The following CELF1 variants were observed in gnomAD, a reference collection of about 807,000 sequenced individuals.
The protein encoded by CELF1 is 50 kDa nuclear polyadenylated RNA-binding protein.
In CELF1, 10 loss-of-function variants were observed where a neutral mutation model predicts 61.8. The ratio of observed to expected loss-of-function variants is 0.16; its 90% CI spans 0.10 to 0.27. The LOEUF (loss-of-function observed/expected upper bound fraction) is 0.27, where lower values mean the gene tolerates loss of function less well. Ranked by LOEUF, CELF1 falls within the 10% of genes least tolerant of loss-of-function variation. CELF1 has a pLI of 1.00. For missense variants in CELF1, 380 were observed against 639.1 expected, an observed-to-expected ratio of 0.59 and a Z score of 4.37; for synonymous variants, 236 against 225.1, an observed-to-expected ratio of 1.05 and a Z score of -0.43.
chr11:47,486,251 A>G (rs555879614), intron 6 of CELF1, among the ~76,000 whole-genome samples: 17 of 151,736 alleles, frequency 1.1e-4, no homozygotes, highest in African/African-American at 3.9e-4. Flanking sequence ...TATACTGACC[A>G]AGTATATTCC....
At chr11:47,543,285 C>T (rs550283928) in intron 1 of CELF1, among the ~76,000 whole-genome samples, 64 of 152,176 alleles carry the variant, frequency 4.2e-4, no homozygotes, top group African/African-American at 1.5e-3. Context: ...CCTATAGTCC[C>T]GGCTACTTGG....
At chr11:47,539,828 T>G (rs867183477) in intron 1 of CELF1, among the ~76,000 whole-genome samples, 1 of 152,214 alleles carries the variant, frequency 6.6e-6, no homozygotes, top group African/African-American at 2.4e-5. Flanking sequence ...TCTTTCCAGA[T>G]GAAATCTACT....
chr11:47,468,101 AAATC>A lies in CELF1; in HGVS notation c.*4125_*4128del, dbSNP rs1457640959. On this transcript the variant is annotated 3_prime_UTR_variant, in exon 15 of 15. Coordinates refer to ENST00000687097, the MANE Select transcript of CELF1 (RefSeq NM_001376376.1). ...TACAAAAACAAAAACAACAACAAAA[AAATC>A]AAAGCATCACATTTTGCTGTGGAGA... 6.6e-6 allele frequency: 1 copy of A among 152,222 alleles called. No individual in the cohort carries two copies. The highest frequency in any genetic ancestry group is 2.4e-5 in the African/African-American group (1 of 41,442). The allele number at this position is 152,222 out of a possible 1,614,324, so 9.4% of individuals were successfully genotyped here.
chr11:47,551,066 C>A (rs548566713), intron 1 of CELF1, among the ~76,000 whole-genome samples: 1 of 151,488 alleles, frequency 6.6e-6, no homozygotes, highest in South Asian at 2.1e-4. Flanking sequence ...TAACCTTGGG[C>A]AAGTAAGTCA....
chr11:47,499,709 T>C (rs2093656700), intron 2 of CELF1, 105 bp from the exon 3 acceptor site: 3 of 587,898 alleles, frequency 5.1e-6, no homozygotes, highest in Admixed American at 3.1e-5. Flanking sequence ...AAAGGGAGTA[T>C]TGGATTAAAA....
intron 1 of CELF1, among the ~76,000 whole-genome samples, chr11:47,538,695 A>C (rs2096698629): frequency 6.6e-6 from 1 of 152,110 alleles, no homozygotes; most frequent in Admixed American, 6.6e-5. Context: ...TCTCTTTTTA[A>C]TTCCTGCTCA....
chr11:47,475,460 G>T lies in CELF1; in HGVS notation c.1149C>A (p.Thr383=). ...AGTAGGCCTGAGTGAGGGCCTCCAT[G>T]GTGCTCCCGGTGCCATTGGAAAGGC... The part of the protein sequence containing the change: ...SSGLSNGTGS[T]MEALTQAYSG... Residue 383 remains threonine (T), a synonymous_variant, in exon 13 of 15, where the codon ACC becomes ACA. Coordinates refer to ENST00000687097, the MANE Select transcript of CELF1 (RefSeq NM_001376376.1). The T allele has an allele frequency of 6.2e-7, 1 of 1,614,032 alleles. No individual in the cohort carries two copies. The highest frequency in any genetic ancestry group is 1.3e-5 in the African/African-American group (1 of 75,030).
intron 5 of CELF1, 75 bp from the exon 6 acceptor site, chr11:47,486,873 C>T (rs2087640668): frequency 8.9e-7 from 1 of 1,128,792 alleles, no homozygotes; most frequent in South Asian, 1.2e-5. Context: ...CTCTAAAATA[C>T]CAGAACTAGA....
intron 12 of CELF1, among the ~76,000 whole-genome samples, chr11:47,476,262 G>A (rs2080090372): frequency 6.6e-6 from 1 of 152,156 alleles, no homozygotes; most frequent in Non-Finnish European, 1.5e-5. Flanking sequence ...AAACTGCTGG[G>A]ACTATAGGTA....
intron 1 of CELF1, among the ~76,000 whole-genome samples, chr11:47,505,874 G>A (rs1204827147): frequency 1.3e-5 from 2 of 148,616 alleles, no homozygotes; most frequent in African/African-American, 4.9e-5. Flanking sequence ...GGCAGAGGCT[G>A]CAGTGAGCTG....
intron 1 of CELF1, among the ~76,000 whole-genome samples, chr11:47,512,104 C>G (rs2095239714): frequency 6.6e-6 from 1 of 152,110 alleles, no homozygotes; most frequent in Non-Finnish European, 1.5e-5. Context: ...CCCTCCTTGG[C>G]CTCCCAGAGT....
chr11:47,504,982 G>A (rs939579363), intron 1 of CELF1, among the ~76,000 whole-genome samples: 1 of 149,864 alleles, frequency 6.7e-6, no homozygotes, highest in Non-Finnish European at 1.5e-5. Context: ...AATTTGTTGT[G>A]TACAAGTTGC....
At chr11:47,536,111 G>A (rs2096623176) in intron 1 of CELF1, among the ~76,000 whole-genome samples, 1 of 152,182 alleles carries the variant, frequency 6.6e-6, no homozygotes, top group South Asian at 2.1e-4. Context: ...GCTCAAGCCT[G>A]CAATCCCAGC....
intron 1 of CELF1, among the ~76,000 whole-genome samples, chr11:47,507,206 AT>A (rs1260493415): frequency 6.6e-6 from 1 of 152,216 alleles, no homozygotes; most frequent in Non-Finnish European, 1.5e-5. Flanking sequence ...ATGAGGTTGA[AT>A]TTCAGTACAT....
chr11:47,523,881 A>T (rs1375274911), intron 1 of CELF1: 1 of 152,222 alleles, frequency 6.6e-6, no homozygotes, highest in African/African-American at 2.4e-5. Context: ...ATATCTCATA[A>T]CAAACCAAGA....
intron 1 of CELF1, among the ~76,000 whole-genome samples, chr11:47,505,807 C>T (rs1227012470): frequency 1.3e-5 from 2 of 150,134 alleles, no homozygotes; most frequent in Admixed American, 6.7e-5. Context: ...CAGTAGCAGG[C>T]ACCTGTAATC....
At chr11:47,562,399 C>T (rs947246655) in intron 2 of CELF1, among the ~76,000 whole-genome samples, 1 of 151,298 alleles carries the variant, frequency 6.6e-6, no homozygotes, top group African/African-American at 2.4e-5. Context: ...TGTGGTGGTA[C>T]GCACCTGTGG....
At chr11:47,534,448 C>T (rs1335659260) in intron 1 of CELF1, among the ~76,000 whole-genome samples, 3 of 151,470 alleles carry the variant, frequency 2.0e-5, no homozygotes, top group Non-Finnish European at 4.4e-5. Flanking sequence ...TAAAGCTGGC[C>T]GGGCGCCATG....
chr11:47,476,487 G>A (rs1281969334), intron 12 of CELF1, among the ~76,000 whole-genome samples: 3 of 151,736 alleles, frequency 2.0e-5, no homozygotes, highest in Non-Finnish European at 2.9e-5. Flanking sequence ...GTGCAGTGGC[G>A]CAATCTTGGC....
Sources: allele counts gnomAD v4.1 joint callset (sites outside exome capture counted in the v4.1 genomes callset), GRCh38; gene constraint gnomAD v4.1.1; transcripts MANE v1.5; gene names NCBI Gene and HGNC (gene_info 2026-07-23, HGNC 2026-07-21).